The following TENM4 variants were observed in gnomAD, a reference collection of about 807,000 sequenced individuals.
TENM4 encodes teneurin transmembrane protein 4.
Under a neutral mutation model 243.3 loss-of-function variants are expected in TENM4, and 82 were observed. The ratio of observed to expected loss-of-function variants is 0.34; its 90% CI spans 0.28 to 0.40. TENM4 has a LOEUF of 0.40. Among genes scored for constraint, TENM4 ranks in the 10% least tolerant of loss-of-function variants. TENM4 has a pLI of 1.00. For missense variants in TENM4, 3,138 were observed against 3,673.3 expected (o/e 0.85, Z 3.77); for synonymous variants, 1,412 against 1,456.3 (o/e 0.97, Z 0.69).
rs1011334002 is a variant in TENM4 at position 79,250,017 on chromosome 11, G to T, written c.-264-34108C>A. Among the ~76,000 whole-genome samples, 3 of 152,102 alleles carry T rather than the reference G, an allele frequency of 2.0e-5. No homozygotes were observed. In the East Asian group the frequency reaches 5.8e-4, roughly 29 times the overall value. ...CTTTTCTTTTTTTAGATGGAGTCTT[G>T]CTCTGTTGCCCAGGCTGGAGTGCAA... is the stretch of plus-strand genomic sequence containing the variant. On this transcript the variant is annotated intron_variant, in intron 2 of 33. Coordinates refer to ENST00000278550, the MANE Select transcript of TENM4 (RefSeq NM_001098816.3).
intron 1 of TENM4, among the ~76,000 whole-genome samples, chr11:79,386,374 C>T (rs902411306): frequency 6.6e-6 from 1 of 152,000 alleles, no homozygotes; most frequent in East Asian, 1.9e-4. Flanking sequence ...TTAAACAAGA[C>T]ATAAAATGTG....
chr11:79,149,201 C>A (rs1241074301), intron 3 of TENM4, among the ~76,000 whole-genome samples: 2 of 152,088 alleles, frequency 1.3e-5, no homozygotes, highest in African/African-American at 4.8e-5. Flanking sequence ...GAGAAAGGTA[C>A]CAGTGGAGTA....
At chr11:78,832,178 T>G (rs970451988) in intron 12 of TENM4, among the ~76,000 whole-genome samples, 1 of 152,222 alleles carries the variant, frequency 6.6e-6, no homozygotes, top group African/African-American at 2.4e-5. Flanking sequence ...GGATTTTTGT[T>G]CAGTGCCTTT....
intron 6 of TENM4, among the ~76,000 whole-genome samples, chr11:78,983,835 G>A (rs1857859987): frequency 6.6e-6 from 1 of 152,248 alleles, no homozygotes; most frequent in Non-Finnish European, 1.5e-5. Context: ...TGAGAGGGAG[G>A]CAGGAGCCCT....
intron 19 of TENM4, among the ~76,000 whole-genome samples, chr11:78,755,228 G>A (rs1304157847): frequency 6.6e-6 from 1 of 152,054 alleles, no homozygotes; most frequent in African/African-American, 2.4e-5. Context: ...GCAGTGGGAC[G>A]GTCTTGGCTC....
At chr11:78,788,389 C>A (rs941626662) in intron 15 of TENM4, among the ~76,000 whole-genome samples, 5 of 152,232 alleles carry the variant, frequency 3.3e-5, no homozygotes, top group African/African-American at 1.2e-4. Flanking sequence ...ACATCAGATT[C>A]TTCAGCTGTA....
chr11:79,128,981 C>T (rs1211155399), intron 4 of TENM4, among the ~76,000 whole-genome samples: 3 of 152,148 alleles, frequency 2.0e-5, no homozygotes, highest in Non-Finnish European at 4.4e-5. Flanking sequence ...AGAGGATCCA[C>T]AAACCCTCTG....
intron 3 of TENM4, among the ~76,000 whole-genome samples, chr11:79,200,865 C>T (rs530027580): frequency 6.6e-6 from 1 of 152,324 alleles, no homozygotes; most frequent in South Asian, 2.1e-4. Flanking sequence ...TTACAAGTGA[C>T]TCATACTCTG....
At chr11:79,222,235 T>G (rs1361276146) in intron 2 of TENM4, among the ~76,000 whole-genome samples, 1 of 152,168 alleles carries the variant, frequency 6.6e-6, no homozygotes, top group African/African-American at 2.4e-5. Context: ...GTTCCCACTT[T>G]TAAGTGAGAG....
intron 19 of TENM4, among the ~76,000 whole-genome samples, chr11:78,741,417 C>T (rs990787559): frequency 6.6e-6 from 1 of 152,122 alleles, no homozygotes; most frequent in African/African-American, 2.4e-5. Flanking sequence ...AATGAGATGC[C>T]ACTGAACACA....
At chr11:79,192,533 G>A (rs1273412428) in intron 3 of TENM4, among the ~76,000 whole-genome samples, 4 of 152,106 alleles carry the variant, frequency 2.6e-5, no homozygotes, top group African/African-American at 9.7e-5. Context: ...TAAGGGCGGT[G>A]CAAGATGTGC....
intron 1 of TENM4, among the ~76,000 whole-genome samples, chr11:79,338,267 A>C (rs1857186648): frequency 6.6e-6 from 1 of 152,220 alleles, no homozygotes; most frequent in Non-Finnish European, 1.5e-5. Flanking sequence ...AGACAACAAG[A>C]AGAGCTGCTG....
chr11:79,290,187 C>A (rs758972034), intron 2 of TENM4, among the ~76,000 whole-genome samples: 11 of 152,168 alleles, frequency 7.2e-5, no homozygotes, highest in Non-Finnish European at 1.5e-4. Flanking sequence ...TCCTCCCAGC[C>A]TCCAACTCTA....
At chr11:79,089,077 G>C (rs1022691260) in intron 4 of TENM4, among the ~76,000 whole-genome samples, 7 of 152,212 alleles carry the variant, frequency 4.6e-5, no homozygotes, top group African/African-American at 1.7e-4. Context: ...TCTTCCTCCA[G>C]CTCTGGCCAG....
intron 32 of TENM4, among the ~76,000 whole-genome samples, chr11:78,665,434 G>A (rs1246984040): frequency 6.6e-6 from 1 of 152,060 alleles, no homozygotes; most frequent in African/African-American, 2.4e-5. Context: ...ACCACGCCCA[G>A]CTAAGTTTTG....
At chr11:78,893,780 T>TACATACACACACACACACACACACACAC (rs1555097811) in intron 7 of TENM4, among the ~76,000 whole-genome samples, 24 of 142,756 alleles carry the variant, frequency 1.7e-4, no homozygotes, top group African/African-American at 5.8e-4. Flanking sequence ...GGACTTCACA[T>TACATACACACACACACACACACACACAC]ACACACACAC....
intron 6 of TENM4, among the ~76,000 whole-genome samples, chr11:78,999,624 C>T (rs544977149): frequency 3.7e-4 from 56 of 152,226 alleles, no homozygotes; most frequent in Middle Eastern, 3.4e-3. Flanking sequence ...AGAGTTGTTA[C>T]AATATAGTAA....
intron 1 of TENM4, among the ~76,000 whole-genome samples, chr11:79,323,015 C>T (rs1332454960): frequency 1.3e-5 from 2 of 152,134 alleles, no homozygotes; most frequent in Non-Finnish European, 2.9e-5. Flanking sequence ...TCAAATGGGC[C>T]TAAGACTCAA....
intron 1 of TENM4, among the ~76,000 whole-genome samples, chr11:79,376,898 A>G (rs1386622761): frequency 1.3e-5 from 2 of 152,158 alleles, no homozygotes; most frequent in Non-Finnish European, 2.9e-5. Flanking sequence ...AATGGCTCCC[A>G]ATGATATCAG....
Sources: gnomAD v4.1 joint callset for allele counts (sites outside exome capture counted in the v4.1 genomes callset) on GRCh38, gnomAD v4.1.1 for gene constraint, MANE v1.5 for transcripts, NCBI Gene and HGNC (gene_info 2026-07-23, HGNC 2026-07-21) for gene names.